Variants in TAFA1 observed in about 807,000 individuals in gnomAD.
The protein encoded by TAFA1 is chemokine-like protein TAFA-1.
A neutral mutation model predicts 18.5 loss-of-function variants in TAFA1; 4 were observed. The observed-to-expected ratio is 0.22, with a 90% confidence interval of 0.11 to 0.49. TAFA1 has a LOEUF of 0.49. Ranked by LOEUF, TAFA1 falls within the 20% of genes least tolerant of loss-of-function variation. The pLI is 0.98. For synonymous variants in TAFA1, 56 were observed against 55.2 expected, an observed-to-expected ratio of 1.01 and a Z score of -0.06; for missense variants, 147 against 169.0, an observed-to-expected ratio of 0.87 and a Z score of 0.72.
At chr3:68,055,883 G>C (rs1244757418) in intron 2 of TAFA1, among the ~76,000 whole-genome samples, 1 of 152,016 alleles carries the variant, frequency 6.6e-6, no homozygotes, top group East Asian at 1.9e-4. Context: ...CCGATTTTCA[G>C]CCTGATCTTT....
chr3:68,037,009 C>A (rs1342192475), intron 2 of TAFA1, among the ~76,000 whole-genome samples: 1 of 152,058 alleles, frequency 6.6e-6, no homozygotes, highest in East Asian at 1.9e-4. Context: ...GTGGAGCAGA[C>A]AAATACGTGA....
At chr3:68,024,891 G>T (rs1158488944) in intron 2 of TAFA1, among the ~76,000 whole-genome samples, 4 of 151,672 alleles carry the variant, frequency 2.6e-5, no homozygotes, top group African/African-American at 4.8e-5. Context: ...GTTGGAAGTT[G>T]CCTTAGCAAC....
At chr3:68,466,308 G>A (rs2071883531) in intron 3 of TAFA1, among the ~76,000 whole-genome samples, 1 of 152,144 alleles carries the variant, frequency 6.6e-6, no homozygotes. Context: ...AAATGGAGCA[G>A]AACTCCCAGC....
chr3:68,227,859 A>G (rs2066822274), intron 2 of TAFA1, among the ~76,000 whole-genome samples: 1 of 152,180 alleles, frequency 6.6e-6, no homozygotes, highest in Admixed American at 6.5e-5. Flanking sequence ...CATGTGCTCC[A>G]TGGAGCAAGG....
At chr3:68,213,034 T>A (rs1050266794) in intron 2 of TAFA1, among the ~76,000 whole-genome samples, 11 of 151,746 alleles carry the variant, frequency 7.2e-5, no homozygotes, top group Admixed American at 2.0e-4. Flanking sequence ...TTTTTTTTTT[T>A]AATCATTTTA....
intron 2 of TAFA1, among the ~76,000 whole-genome samples, chr3:68,234,149 T>A (rs1187729391): frequency 6.6e-6 from 1 of 152,144 alleles, no homozygotes; most frequent in Non-Finnish European, 1.5e-5. Context: ...GCTGGGGTGG[T>A]GATTGCTTGA....
chr3:68,489,784 A>T (rs1367305135), intron 3 of TAFA1, among the ~76,000 whole-genome samples: 2 of 152,098 alleles, frequency 1.3e-5, no homozygotes, highest in Non-Finnish European at 2.9e-5. Flanking sequence ...CCATTTTCTT[A>T]AAAATGTTAT....
At chr3:68,413,890 G>C (rs2070763670) in intron 2 of TAFA1, among the ~76,000 whole-genome samples, 1 of 152,142 alleles carries the variant, frequency 6.6e-6, no homozygotes, top group African/African-American at 2.4e-5. Flanking sequence ...GTGAGCCAGA[G>C]ATCTGTTGGG....
chr3:68,172,163 G>A (rs543869741), intron 2 of TAFA1, among the ~76,000 whole-genome samples: 30 of 152,190 alleles, frequency 2.0e-4, no homozygotes, highest in African/African-American at 4.8e-4. Context: ...ATAAGTCATC[G>A]CCAAACTGTT....
chr3:68,370,321 A>AATATATATATATAT (rs1329816013), intron 2 of TAFA1, among the ~76,000 whole-genome samples: 10 of 18,082 alleles, frequency 5.5e-4, no homozygotes, highest in Non-Finnish European at 6.4e-4. Flanking sequence ...AAAAAAAAAA[A>AATATATATATATAT]ATATATATAT....
chr3:68,507,221 T>C (rs2072773359), intron 3 of TAFA1, among the ~76,000 whole-genome samples: 1 of 151,970 alleles, frequency 6.6e-6, no homozygotes, highest in Non-Finnish European at 1.5e-5. Flanking sequence ...TATTTTACCA[T>C]AGAGCCACCA....
intron 3 of TAFA1, among the ~76,000 whole-genome samples, chr3:68,433,045 G>A (rs1196254723): frequency 6.6e-6 from 1 of 151,972 alleles, no homozygotes; most frequent in Non-Finnish European, 1.5e-5. Flanking sequence ...TTTTGTTCAT[G>A]TAGTTATTAG....
intron 2 of TAFA1, among the ~76,000 whole-genome samples, chr3:68,290,250 C>T (rs997774406): frequency 7.9e-5 from 12 of 152,118 alleles, no homozygotes; most frequent in Admixed American, 6.5e-5. Context: ...TAAAGGAAGA[C>T]CTGCAAACGT....
intron 2 of TAFA1, among the ~76,000 whole-genome samples, chr3:68,156,470 T>G (rs1467878038): frequency 6.6e-6 from 1 of 152,160 alleles, no homozygotes; most frequent in African/African-American, 2.4e-5. Flanking sequence ...TTAGGCAAAC[T>G]ACATGACTTT....
intron 3 of TAFA1, among the ~76,000 whole-genome samples, chr3:68,487,512 C>T (rs1023446718): frequency 6.6e-6 from 1 of 151,946 alleles, no homozygotes; most frequent in Admixed American, 6.6e-5. Flanking sequence ...CTTTGGGAGG[C>T]CGAGGCGGGC....
intron 2 of TAFA1, among the ~76,000 whole-genome samples, chr3:68,185,650 C>G (rs895708767): frequency 2.0e-5 from 3 of 152,054 alleles, no homozygotes; most frequent in Non-Finnish European, 4.4e-5. Context: ...TGGCTCACAC[C>G]TGTAATCCCA....
At chr3:68,278,127 C>T (rs2067829605) in intron 2 of TAFA1, among the ~76,000 whole-genome samples, 1 of 152,034 alleles carries the variant, frequency 6.6e-6, no homozygotes, top group Non-Finnish European at 1.5e-5. Flanking sequence ...TCTCAATTGC[C>T]TTTCAAAAAG....
chr3:68,064,525 G>A (rs2064647469), intron 2 of TAFA1, among the ~76,000 whole-genome samples: 1 of 152,186 alleles, frequency 6.6e-6, no homozygotes, highest in Non-Finnish European at 1.5e-5. Flanking sequence ...TGCTAAATGA[G>A]ACGCGGTGCT....
intron 3 of TAFA1, among the ~76,000 whole-genome samples, chr3:68,506,120 A>G (rs892744220): frequency 5.9e-5 from 9 of 151,680 alleles, no homozygotes; most frequent in African/African-American, 2.2e-4. Context: ...ACTCCCATTT[A>G]TGAGTGAGAA....
Sources: gnomAD v4.1 joint callset for allele counts (sites outside exome capture counted in the v4.1 genomes callset) on GRCh38, gnomAD v4.1.1 for gene constraint, MANE v1.5 for transcripts, NCBI Gene and HGNC (gene_info 2026-07-23, HGNC 2026-07-21) for gene names.